Variants in PLCH1 observed in about 807,000 individuals in gnomAD.
PLCH1 encodes the protein phospholipase C eta 1, also known as 1-phosphatidylinositol 4,5-bisphosphate phosphodiesterase eta-1.
In PLCH1, 60 loss-of-function variants were observed where a neutral mutation model predicts 126.7. The ratio of observed to expected loss-of-function variants is 0.47; its 90% confidence interval spans 0.38 to 0.59. The LOEUF is 0.59. Ranked by LOEUF, PLCH1 falls within the 20% of genes least tolerant of loss-of-function variation. The pLI, the probability that PLCH1 is intolerant of heterozygous loss-of-function variation, is 0.00. For synonymous variants in PLCH1, 719 were observed against 734.9 expected, an observed-to-expected ratio of 0.98 and a Z score of 0.35; for missense variants, 1,723 against 2,040.0, an observed-to-expected ratio of 0.84 and a Z score of 2.99.
intron 13 of PLCH1, among the ~76,000 whole-genome samples, chr3:155,503,440 T>A (rs936771168): frequency 1.3e-5 from 2 of 152,182 alleles, no homozygotes; most frequent in South Asian, 4.1e-4. Flanking sequence ...CTTATATGAA[T>A]ACACCACAAT....
chr3:155,511,987 T>A (rs1254616770), intron 12 of PLCH1, among the ~76,000 whole-genome samples: 1 of 151,784 alleles, frequency 6.6e-6, no homozygotes, highest in African/African-American at 2.4e-5. Flanking sequence ...CAGACTGCTG[T>A]GTTAGCAATC....
rs1165848913 is a variant in PLCH1 at position 155,488,511 on chromosome 3, T to C, written c.2539+149A>G. ...TGCACCCAGCCCAACTATACTCCTT[T>C]ACATTTTACAAAGTTTGTTAAAAGT... On this transcript the variant is annotated intron_variant, in intron 20 of 22. Transcript: ENST00000460012. The C allele has an allele frequency of 1.1e-5, 8 of 754,426 alleles. No individual in the cohort carries two copies. In the Admixed American group the frequency reaches 1.3e-4, roughly 12 times the overall value. The allele number at this position is 754,426 out of a possible 1,614,324, so 46.7% of individuals were successfully genotyped here. A position where few individuals can be genotyped will look rare whatever the true frequency, so the allele number is the denominator to read the frequency against.
At chr3:155,739,097 A>G (rs1015376755) in intron 1 of PLCH1, among the ~76,000 whole-genome samples, 2 of 152,234 alleles carry the variant, frequency 1.3e-5, no homozygotes, top group Non-Finnish European at 2.9e-5. Flanking sequence ...GCTCAGTACA[A>G]GCCAGTTGCA....
intron 14 of PLCH1, among the ~76,000 whole-genome samples, chr3:155,499,128 C>T (rs1378949361): frequency 6.6e-6 from 1 of 152,140 alleles, no homozygotes; most frequent in African/African-American, 2.4e-5. Flanking sequence ...AAGAGGTATT[C>T]CATTGTAGTT....
At chr3:155,552,510 C>G (rs3914780) in intron 9 of PLCH1, among the ~76,000 whole-genome samples, 78,714 of 152,040 alleles carry the variant, frequency 0.52, 22,786 homozygotes, top group Non-Finnish European at 0.66. Context: ...GAATAAGCAA[C>G]AATTAATCAG....
At chr3:155,478,612 AAT>A (rs1223208005), downstream of PLCH1, among the ~76,000 whole-genome samples, 1 of 152,166 alleles carries the variant, frequency 6.6e-6, no homozygotes, top group East Asian at 1.9e-4. Context: ...ACCAAGAAAT[AAT>A]ATGTGTTTTT....
At chr3:155,744,007 G>T (rs935141935) in intron 1 of PLCH1, among the ~76,000 whole-genome samples, 4 of 147,920 alleles carry the variant, frequency 2.7e-5, no homozygotes, top group South Asian at 2.1e-4. Flanking sequence ...GAAAAGTTGG[G>T]TTTTTTTTTT....
chr3:155,562,954 A>T (rs73874841), intron 8 of PLCH1, among the ~76,000 whole-genome samples: 1 of 152,070 alleles, frequency 6.6e-6, no homozygotes, highest in South Asian at 2.1e-4. Flanking sequence ...CATATCACCA[A>T]CCTACATAGC....
chr3:155,572,107 T>G (rs1729305905), intron 6 of PLCH1, among the ~76,000 whole-genome samples: 2 of 152,210 alleles, frequency 1.3e-5, no homozygotes, highest in Non-Finnish European at 2.9e-5. Context: ...TGAATTGTGC[T>G]TTTTTTCTCC....
At chr3:155,621,398 A>G (rs1383113096) in intron 2 of PLCH1, among the ~76,000 whole-genome samples, 1 of 152,228 alleles carries the variant, frequency 6.6e-6, no homozygotes, top group Non-Finnish European at 1.5e-5. Flanking sequence ...ACAAAACTGG[A>G]TGGAGAATGA....
chr3:155,613,847 G>A (rs1009512439), intron 2 of PLCH1, among the ~76,000 whole-genome samples: 37 of 152,226 alleles, frequency 2.4e-4, no homozygotes, highest in African/African-American at 8.9e-4. Context: ...AATCCGTAAA[G>A]AGGAAGTTGA....
chr3:155,452,772 C>G (rs753490882), intron 21 of PLCH1, among the ~76,000 whole-genome samples: 2 of 152,096 alleles, frequency 1.3e-5, no homozygotes, highest in Non-Finnish European at 2.9e-5. Context: ...CTCTGGGATT[C>G]AAATTCCCAC....
chr3:155,581,608 TAG>T (rs894363856), intron 6 of PLCH1, among the ~76,000 whole-genome samples: 2 of 152,026 alleles, frequency 1.3e-5, no homozygotes, highest in African/African-American at 4.8e-5. Flanking sequence ...GACAAATCAA[TAG>T]AGACAGAAAT....
chr3:155,533,959 T>C (rs1176965648), intron 10 of PLCH1, among the ~76,000 whole-genome samples: 1 of 152,096 alleles, frequency 6.6e-6, no homozygotes, highest in East Asian at 1.9e-4. Flanking sequence ...TTTCAAAGGA[T>C]GTATGGAAAC....
At chr3:155,668,450 A>G (rs1033784527) in intron 2 of PLCH1, among the ~76,000 whole-genome samples, 2 of 152,224 alleles carry the variant, frequency 1.3e-5, no homozygotes, top group Admixed American at 1.3e-4. Context: ...ATGGGGTTTT[A>G]TAAACCAAAT....
chr3:155,632,142 G>T (rs953347693), intron 2 of PLCH1, among the ~76,000 whole-genome samples: 32 of 152,272 alleles, frequency 2.1e-4, no homozygotes, highest in African/African-American at 7.5e-4. Flanking sequence ...GCTTGAAAGG[G>T]CCATGTCAGC....
chr3:155,728,546 C>CA (rs1399735191), intron 1 of PLCH1, among the ~76,000 whole-genome samples: 1 of 152,078 alleles, frequency 6.6e-6, no homozygotes, highest in Non-Finnish European at 1.5e-5. Flanking sequence ...GATTTGAACT[C>CA]AAAAAATCTA....
chr3:155,546,731 G>A (rs1308050765), intron 10 of PLCH1, among the ~76,000 whole-genome samples: 2 of 149,002 alleles, frequency 1.3e-5, no homozygotes, highest in East Asian at 2.0e-4. Flanking sequence ...CAGAAATAAC[G>A]CCCCATGTCT....
At position 155,481,831 on chromosome 3, in the gene PLCH1, C is replaced by T. The variant is rs1337943950; in HGVS notation, c.4195G>A (p.Gly1399Ser). 4.3e-6 allele frequency: 7 copies of T among 1,614,082 alleles called. No homozygotes were observed. Among genetic ancestry groups the T allele is most frequent in the East Asian group, 2.2e-5 (1 of 44,876 alleles). ...GGGCGGAGGGTCTCTTTACAGTAGC[C>T]GTTTCTCAAACCTCTTTGAAAGTGT... ...VEHFQRGLRN[G>S]YCKETLRPSV... The change falls in exon 23 of 23, where the codon GGC becomes AGC. Residue 1399 changes from glycine (G) to serine (S), a missense_variant. Gly to Ser is a moderately conservative substitution (Grantham distance 56). Transcript: ENST00000460012. The surrounding 1 kb of genome is among the most constrained non-coding windows in gnomAD (Gnocchi z 4.2).
Sources: allele counts gnomAD v4.1 joint callset (sites outside exome capture counted in the v4.1 genomes callset), GRCh38; gene constraint gnomAD v4.1.1; non-coding constraint Gnocchi (gnomAD v3.1); transcripts MANE v1.5; gene names NCBI Gene and HGNC (gene_info 2026-07-23, HGNC 2026-07-21).